CACNA1I: variants seen among roughly 807,000 people sequenced by gnomAD.
The protein encoded by CACNA1I is voltage-dependent T-type calcium channel subunit alpha-1I.
In CACNA1I, 74 loss-of-function variants were observed where a neutral mutation model predicts 201.6. The ratio of observed to expected loss-of-function variants is 0.37; its 90% CI spans 0.30 to 0.45. The LOEUF (loss-of-function observed/expected upper bound fraction) is 0.45. CACNA1I is among the 20% of genes least tolerant of loss of function. The pLI, the probability that CACNA1I is intolerant of heterozygous loss-of-function variation, is 1.00. For missense variants in CACNA1I, 2,346 were observed against 3,138.1 expected, an observed-to-expected ratio of 0.75 and a Z score of 6.03; for synonymous variants, 1,431 against 1,345.2, an observed-to-expected ratio of 1.06 and a Z score of -1.40.
At chr22:39,662,513 C>T (rs1935058028) in intron 17 of CACNA1I, 78 bp downstream of exon 17, 1 of 1,162,506 alleles carries the variant, frequency 8.6e-7, no homozygotes, top group African/African-American at 1.6e-5. Context: ...GAGGCGGGGC[C>T]CGAGCGGGCG....
chr22:39,572,787 C>T (rs1364040630), intron 1 of CACNA1I, among the ~76,000 whole-genome samples: 2 of 151,910 alleles, frequency 1.3e-5, no homozygotes, highest in African/African-American at 2.4e-5. Context: ...GATGGAGTCT[C>T]GCTCTGTCAC....
rs901049425 is a variant in CACNA1I, at chr22:39,676,222, G to A, written c.4855-1119G>A. 1.2e-4 allele frequency among the ~76,000 whole-genome samples: 19 copies of A among 152,222 alleles called. No individual in the cohort carries two copies. Among genetic ancestry groups the A allele is most frequent in the Non-Finnish European group, 2.4e-4 (16 of 68,038 alleles). ...GGCACAAAGCTGAATTCCTAGAGCC[G>A]CGACCACGCCAGATCCTTCTCAGCG... On this transcript the variant is annotated intron_variant, in intron 29 of 36. Coordinates refer to ENST00000402142, the MANE Select transcript of CACNA1I (RefSeq NM_021096.4). This position sits in a 1 kb window ranked among gnomAD's most constrained non-coding sequence, Gnocchi z 4.8.
intron 5 of CACNA1I, among the ~76,000 whole-genome samples, chr22:39,638,303 G>C (rs1934268877): frequency 6.6e-6 from 1 of 152,312 alleles, no homozygotes; most frequent in East Asian, 1.9e-4. Context: ...AGGACCAGTG[G>C]TGGAAAAGTC....
At chr22:39,679,948 C>G (rs538500708) in intron 33 of CACNA1I, 80 bp downstream of exon 33, 3 of 1,432,408 alleles carry the variant, frequency 2.1e-6, no homozygotes, top group African/African-American at 2.8e-5. Context: ...GAGGGCAGAG[C>G]CTGGCTCTGG....
At chr22:39,588,547 G>A (rs540212553) in intron 1 of CACNA1I, among the ~76,000 whole-genome samples, 14 of 151,726 alleles carry the variant, frequency 9.2e-5, no homozygotes, top group African/African-American at 3.1e-4. Flanking sequence ...CACCACGCCC[G>A]GCTTATTTTT....
chr22:39,681,455 G>A (rs535770687), intron 34 of CACNA1I, among the ~76,000 whole-genome samples: 5 of 152,334 alleles, frequency 3.3e-5, no homozygotes, highest in South Asian at 2.1e-4. Context: ...ATGTGCAGGC[G>A]CTCTGCCCGT....
intron 3 of CACNA1I, among the ~76,000 whole-genome samples, chr22:39,608,697 G>A (rs1194722353): frequency 6.8e-6 from 1 of 148,028 alleles, no homozygotes; most frequent in Non-Finnish European, 1.5e-5. Flanking sequence ...GTGTGTGTCT[G>A]TAGTCCCAGC....
rs187382084 is a variant in CACNA1I at position 39,676,020 on chromosome 22, A to G, written c.4855-1321A>G. On this transcript the variant is annotated intron_variant, in intron 29 of 36. Coordinates refer to ENST00000402142, the MANE Select transcript of CACNA1I (RefSeq NM_021096.4). The surrounding 1 kb of genome is among the most constrained non-coding windows in gnomAD (Gnocchi z 4.8). The stretch of plus-strand genomic sequence containing the variant: ...GGCTGCAGCCGAGCTGCCTTTGAGA[A>G]GGTGGCTCTGCTGGCTGGGAGGAGA... 1.3e-5 allele frequency among the ~76,000 whole-genome samples: 2 copies of G among 152,332 alleles called. No individual in the cohort carries two copies. The highest frequency in any genetic ancestry group is 1.9e-4 in the East Asian group (1 of 5,186).
intron 1 of CACNA1I, among the ~76,000 whole-genome samples, chr22:39,572,091 G>A (rs920726672): frequency 2.0e-5 from 3 of 152,186 alleles, no homozygotes; most frequent in African/African-American, 4.8e-5. Context: ...GGCTGCAGGT[G>A]TGGCGGGAGC....
rs9619824 is a variant in CACNA1I at position 39,648,526 on chromosome 22, C to T, written c.1567+600C>T. Among the ~76,000 whole-genome samples the T allele has an allele frequency of 3.6e-3, 549 of 152,184 alleles. 3 individuals carry two copies. Among genetic ancestry groups the T allele is most frequent in the African/African-American group, 0.012 (497 of 41,528 alleles). On this transcript the variant is annotated intron_variant, in intron 9 of 36. Transcript: ENST00000402142. The surrounding 1 kb of genome is among the most constrained non-coding windows in gnomAD (Gnocchi z 5.4). ...TGGGAAGGGCTTTGGGCCTGTCCTCCGGGGTGAGATGGGACTGACCCCTGG... is the reference window on the plus strand; with the variant it reads ...TGGGAAGGGCTTTGGGCCTGTCCTCTGGGGTGAGATGGGACTGACCCCTGG...
At chr22:39,647,793 A>G (rs1799696654) in intron 8 of CACNA1I, 29 bp from the exon 9 acceptor site, 1 of 1,426,194 alleles carries the variant, frequency 7.0e-7, no homozygotes, top group Admixed American at 1.7e-5. Flanking sequence ...GAGAAGGGAG[A>G]AGATAGTAAT....
In CACNA1I at chr22:39,660,367, G is replaced by A. The variant is rs60675613; in HGVS notation, c.2628G>A (p.Ser876=). ...AGGGTGACGCCAATCGCTCCTACTC[G>A]GACGAGGACCAGAGCTCATCCAACA... is the stretch of plus-strand genomic sequence containing the variant. ...QAEGDANRSY[S]DEDQSSSNIE... is the part of the protein sequence containing the mutation. The change falls in exon 15 of 37, where the codon TCG becomes TCA. Residue 876 remains serine (S), a synonymous_variant. Coordinates refer to ENST00000402142, the MANE Select transcript of CACNA1I (RefSeq NM_021096.4). The A allele has an allele frequency of 9.1e-4, 1,460 of 1,612,756 alleles. 4 individuals carry two copies. The highest frequency in any genetic ancestry group is 1.1e-3 in the Non-Finnish European group (1,349 of 1,179,620).
At chr22:39,679,042 C>G (rs1935598834) in intron 31 of CACNA1I, 65 bp from the exon 32 acceptor site, 2 of 1,320,842 alleles carry the variant, frequency 1.5e-6, no homozygotes, top group South Asian at 1.4e-5. Flanking sequence ...CCTGGGCTGG[C>G]CTCTGCCTCC....
chr22:39,581,759 G>A (rs982874908), intron 1 of CACNA1I, among the ~76,000 whole-genome samples: 29 of 152,196 alleles, frequency 1.9e-4, no homozygotes, highest in African/African-American at 6.5e-4. Flanking sequence ...TTTCCTTGGA[G>A]AGAAATCAAT....
At chr22:39,652,910 A>T (rs1934690047) in intron 10 of CACNA1I, among the ~76,000 whole-genome samples, 1 of 152,216 alleles carries the variant, frequency 6.6e-6, no homozygotes, top group Admixed American at 6.5e-5. Context: ...GTGTCAAAAC[A>T]AACAAAAAAT....
Position 39,607,896 on chromosome 22 carries a change from G to GGC in CACNA1I, c.482+7244_482+7245insCG, listed in dbSNP as rs1404019311. 3.5e-4 allele frequency among the ~76,000 whole-genome samples: 14 copies of GGC among 39,690 alleles called. No homozygotes were observed. In the South Asian group the frequency reaches 4.3e-3, roughly 12 times the overall value. 26.0% of individuals were successfully genotyped at this position (39,690 alleles called of 152,430 possible). ...TCCCAGCACTTTGGGGTGCCAAGGC[G>GGC]GGGGGGGGTCACCTGAGGTCAGGAG... On this transcript the variant is annotated intron_variant, in intron 3 of 36. Transcript: ENST00000402142.
intron 5 of CACNA1I, 26 bp downstream of exon 5, chr22:39,634,750 C>T: frequency 6.2e-7 from 1 of 1,605,414 alleles, no homozygotes; most frequent in African/African-American, 1.3e-5. Context: ...GCCACCCATG[C>T]AGCTCCGGGG....
chr22:39,645,540 C>T (rs1934463575), intron 7 of CACNA1I, among the ~76,000 whole-genome samples: 1 of 152,168 alleles, frequency 6.6e-6, no homozygotes, highest in Non-Finnish European at 1.5e-5. Context: ...GTGACTGAGA[C>T]AAGGATGGGA....
chr22:39,648,226 CCTCGGGTGCCAGCCATCCAGGCGTGGG>C lies in CACNA1I; in HGVS notation c.1567+306_1567+332del, dbSNP rs2146428866. On this transcript the variant is annotated intron_variant, in intron 9 of 36. Coordinates refer to ENST00000402142, the MANE Select transcript of CACNA1I (RefSeq NM_021096.4). The surrounding 1 kb of genome is among the most constrained non-coding windows in gnomAD (Gnocchi z 5.4). ...ACGCTCAGAGCTGCCGCCCACCCGT[CCTCGGGTGCCAGCCATCCAGGCGTGGG>C]CTCGGAGGAGGCCCCAGGTGGCCCG... Among the ~76,000 whole-genome samples the C allele has an allele frequency of 6.6e-6, 1 of 152,236 alleles. No individual in the cohort carries two copies. Among genetic ancestry groups the C allele is most frequent in the South Asian group, 2.1e-4 (1 of 4,824 alleles).
Sources: gnomAD v4.1 joint callset for allele counts (sites outside exome capture counted in the v4.1 genomes callset) on GRCh38, gnomAD v4.1.1 for gene constraint, Gnocchi (gnomAD v3.1) non-coding constraint, MANE v1.5 for transcripts, NCBI Gene and HGNC (gene_info 2026-07-23, HGNC 2026-07-21) for gene names.